The following CHSY3 variants were observed in gnomAD, a reference collection of about 807,000 sequenced individuals.
CHSY3 encodes chondroitin sulfate synthase 3.
In CHSY3, 35 loss-of-function variants were observed where a neutral mutation model predicts 67.2. The ratio of observed to expected loss-of-function variants is 0.52; its 90% CI spans 0.40 to 0.69. The LOEUF (loss-of-function observed/expected upper bound fraction) is 0.69, where lower values mean the gene tolerates loss of function less well. CHSY3 is among the 30% of genes least tolerant of loss of function. The pLI, the probability that CHSY3 is intolerant of heterozygous loss-of-function variation, is 0.00. For synonymous variants in CHSY3, 474 were observed against 434.7 expected (o/e 1.09, Z -1.12); for missense variants, 1,069 against 1,138.5 (o/e 0.94, Z 0.88).
rs58326964 is a variant in CHSY3, at chr5:130,056,918, CTTTTTTTTTTTTTT to C, written c.1087-127299_1087-127286del. Among the ~76,000 whole-genome samples, 47 of 56,126 alleles carry C rather than the reference CTTTTTTTTTTTTTT, an allele frequency of 8.4e-4. No individual in the cohort carries two copies. The South Asian group carries it at 0.045, about 54-fold the overall frequency. The allele number at this position is 56,126 out of a possible 152,430, so 36.8% of individuals were successfully genotyped here. ...ATATGTTTATTTTTAGCATTTCTTT[CTTTTTTTTTTTTTT>C]TTTTTTTTTTTGACAGAGTCTGGCT... On this transcript the variant is annotated intron_variant, in intron 2 of 2. Transcript: ENST00000305031.
intron 2 of CHSY3, among the ~76,000 whole-genome samples, chr5:129,959,230 A>C (rs1345139734): frequency 1.3e-5 from 2 of 152,142 alleles, no homozygotes; most frequent in Non-Finnish European, 2.9e-5. Flanking sequence ...TTTGCCTAGT[A>C]TATATGTAAA....
chr5:130,033,079 C>A (rs1206528164), intron 2 of CHSY3, among the ~76,000 whole-genome samples: 1 of 152,180 alleles, frequency 6.6e-6, no homozygotes, highest in Admixed American at 6.5e-5. Context: ...AGGCTGCCAA[C>A]TAACCCACAC....
At chr5:130,002,853 G>A (rs1763770456) in intron 2 of CHSY3, among the ~76,000 whole-genome samples, 1 of 152,028 alleles carries the variant, frequency 6.6e-6, no homozygotes, top group African/African-American at 2.4e-5. Flanking sequence ...TGGAGGGGGT[G>A]GGTAGCTTAT....
chr5:130,042,587 T>G (rs1445927124), intron 2 of CHSY3, among the ~76,000 whole-genome samples: 1 of 152,162 alleles, frequency 6.6e-6, no homozygotes, highest in Non-Finnish European at 1.5e-5. Context: ...AGCATTTATA[T>G]TCTCAGTTTG....
intron 2 of CHSY3, among the ~76,000 whole-genome samples, chr5:130,131,000 A>C (rs1768465438): frequency 6.6e-6 from 1 of 152,032 alleles, no homozygotes; most frequent in Non-Finnish European, 1.5e-5. Context: ...TTTCATCTCT[A>C]TTCCTTTTTA....
At chr5:129,941,179 G>C (rs192625146) in intron 2 of CHSY3, among the ~76,000 whole-genome samples, 2 of 152,160 alleles carry the variant, frequency 1.3e-5, no homozygotes, top group East Asian at 3.9e-4. Context: ...GCCCAGGCTG[G>C]GTGACAGAGA....
At chr5:129,905,762 G>C (rs1157163172) in intron 1 of CHSY3, 131 bp downstream of exon 1, 9 of 1,488,588 alleles carry the variant, frequency 6.0e-6, no homozygotes, top group Non-Finnish European at 8.0e-6. Context: ...ACAGGCCCTG[G>C]CCCGCCCTCC....
Position 129,905,321 on chromosome 5 carries a change from C to A in CHSY3, c.492C>A (p.Ala164=), listed in dbSNP as rs1356720324. The part of the protein sequence containing the change: ...HNGSGDGGAA[A]PSARPRDFLY... Reference sequence around the variant, plus strand: ...GCAGCGGGGACGGGGGCGCTGCCGCCCCGAGCGCCCGACCCCGGGACTTCC... The same window carrying A: ...GCAGCGGGGACGGGGGCGCTGCCGCACCGAGCGCCCGACCCCGGGACTTCC... The change falls in exon 1 of 3, where the codon GCC becomes GCA. Residue 164 remains alanine (A), a synonymous_variant. Transcript: ENST00000305031. 8 of 1,523,240 alleles carry A rather than the reference C, an allele frequency of 5.3e-6. No individual in the cohort carries two copies. Among genetic ancestry groups the A allele is most frequent in the Non-Finnish European group, 6.1e-6 (7 of 1,139,358 alleles). 94.4% of individuals were successfully genotyped at this position (1,523,240 alleles called of 1,614,324 possible). A position where few individuals can be genotyped will look rare whatever the true frequency, so the allele number is the denominator to read the frequency against.
At chr5:129,924,205 C>T (rs1761017765) in intron 2 of CHSY3, among the ~76,000 whole-genome samples, 1 of 151,960 alleles carries the variant, frequency 6.6e-6, no homozygotes, top group African/African-American at 2.4e-5. Context: ...AGAGCTTCCC[C>T]CAACCCCCTA....
chr5:129,996,044 C>A (rs1763529349), intron 2 of CHSY3, among the ~76,000 whole-genome samples: 1 of 152,100 alleles, frequency 6.6e-6, no homozygotes, highest in Non-Finnish European at 1.5e-5. Flanking sequence ...CTGGTTCTGT[C>A]ATTTGCCAAC....
chr5:130,011,994 C>T (rs1764075943), intron 2 of CHSY3, among the ~76,000 whole-genome samples: 2 of 152,168 alleles, frequency 1.3e-5, no homozygotes, highest in East Asian at 1.9e-4. Context: ...ATCCCATGCT[C>T]ATGAATAGGA....
chr5:129,987,476 A>G (rs1283861441), intron 2 of CHSY3, among the ~76,000 whole-genome samples: 1 of 152,224 alleles, frequency 6.6e-6, no homozygotes, highest in African/African-American at 2.4e-5. Flanking sequence ...AATTCGTGAT[A>G]TCAACTCCTT....
At chr5:130,173,369 C>T (rs1344218850) in intron 2 of CHSY3, among the ~76,000 whole-genome samples, 1 of 152,098 alleles carries the variant, frequency 6.6e-6, no homozygotes, top group African/African-American at 2.4e-5. Context: ...TTCCATGTGT[C>T]CTTTATCCAG....
chr5:130,173,135 AC>A (rs1413459693), intron 2 of CHSY3, among the ~76,000 whole-genome samples: 1 of 152,086 alleles, frequency 6.6e-6, no homozygotes, highest in Admixed American at 6.6e-5. Context: ...TACTGGACTC[AC>A]CAAGAAAAAA....
At chr5:130,140,936 T>C (rs1432679447) in intron 2 of CHSY3, 4 of 873,470 alleles carry the variant, frequency 4.6e-6, no homozygotes, top group Non-Finnish European at 5.6e-6. Flanking sequence ...ATTTGAAGAA[T>C]TGAATGCTTA....
chr5:130,059,388 CCTCT>C (rs368706513), intron 2 of CHSY3, among the ~76,000 whole-genome samples: 7 of 144,240 alleles, frequency 4.9e-5, no homozygotes, highest in African/African-American at 1.9e-4. Context: ...TCTCTCTCTA[CCTCT>C]CTCTCTCTCT....
At chr5:130,152,835 C>T (rs1420259658) in intron 2 of CHSY3, among the ~76,000 whole-genome samples, 1 of 152,074 alleles carries the variant, frequency 6.6e-6, no homozygotes, top group Non-Finnish European at 1.5e-5. Context: ...TATTACAAAC[C>T]ATTTGCTAGC....
intron 2 of CHSY3, among the ~76,000 whole-genome samples, chr5:129,931,474 A>G (rs1181486874): frequency 6.6e-6 from 1 of 152,232 alleles, no homozygotes. Context: ...TATTTGATCT[A>G]TAGATATTTG....
At chr5:130,043,404 T>A (rs891126142) in intron 2 of CHSY3, among the ~76,000 whole-genome samples, 75 of 152,162 alleles carry the variant, frequency 4.9e-4, no homozygotes, top group African/African-American at 1.7e-3. Context: ...AATTAAGGAA[T>A]TAGAGATTGA....
Sources: gnomAD v4.1 joint callset for allele counts (sites outside exome capture counted in the v4.1 genomes callset) on GRCh38, gnomAD v4.1.1 for gene constraint, MANE v1.5 for transcripts, NCBI Gene and HGNC (gene_info 2026-07-23, HGNC 2026-07-21) for gene names.